The following DHDDS variants were observed in gnomAD, a reference collection of about 807,000 sequenced individuals.
DHDDS encodes dehydrodolichyl diphosphate synthase subunit, also known as dehydrodolichyl diphosphate synthase complex subunit DHDDS.
Under a neutral mutation model 46.2 loss-of-function variants are expected in DHDDS, and 16 were observed. The ratio of observed to expected loss-of-function variants is 0.35; its 90% CI spans 0.23 to 0.53. DHDDS has a LOEUF of 0.53. Ranked by LOEUF, DHDDS falls within the 20% of genes least tolerant of loss-of-function variation. DHDDS has a pLI of 0.94. For missense variants in DHDDS, 340 were observed against 423.7 expected (o/e 0.80, Z 1.73); for synonymous variants, 151 against 163.1 (o/e 0.93, Z 0.56).
At chr1:26,433,840 A>G (rs979362928) in intron 2 of DHDDS, among the ~76,000 whole-genome samples, 1 of 152,136 alleles carries the variant, frequency 6.6e-6, no homozygotes, top group East Asian at 1.9e-4. Context: ...AGTTCAAGCA[A>G]TTCTCTTGCC....
chr1:26,448,675 C>T (rs889462862), intron 6 of DHDDS: 1 of 152,096 alleles, frequency 6.6e-6, no homozygotes, highest in Non-Finnish European at 1.5e-5. Context: ...GTGTTGTGTT[C>T]TGTATTTCAT....
chr1:26,447,451 T>A, intron 5 of DHDDS, 108 bp from the exon 6 acceptor site: 1 of 839,020 alleles, frequency 1.2e-6, no homozygotes, highest in East Asian at 2.5e-5. Flanking sequence ...ACATTTGATG[T>A]GTATTTGTTT....
rs907003931 is a variant in DHDDS at position 26,471,251 on chromosome 1, C to T, written c.*2120C>T. On this transcript the variant is annotated 3_prime_UTR_variant, in exon 9 of 9. Transcript: ENST00000236342. ...CAAGCCCCCATTTGAGGACATCTATCGTATTCTTGTGTGCTGGGTCTCAAA... is the reference window on the plus strand; with the variant it reads ...CAAGCCCCCATTTGAGGACATCTATTGTATTCTTGTGTGCTGGGTCTCAAA... 6.6e-6 allele frequency: 1 copy of T among 152,202 alleles called. No individual in the cohort carries two copies. Among genetic ancestry groups the T allele is most frequent in the Admixed American group, 6.5e-5 (1 of 15,282 alleles). The allele number at this position is 152,202 out of a possible 1,614,324, so 9.4% of individuals were successfully genotyped here.
intron 3 of DHDDS, among the ~76,000 whole-genome samples, chr1:26,438,993 A>C (rs1238015870): frequency 6.6e-6 from 1 of 152,182 alleles, no homozygotes; most frequent in Non-Finnish European, 1.5e-5. Flanking sequence ...AGTACAGTGC[A>C]TGATCTCTGC....
rs748086202 is a variant in DHDDS at position 26,447,744 on chromosome 1, A to G, written c.542+84A>G. The stretch of plus-strand genomic sequence containing the variant: ...CAGCTCACGCCTGTAATCCTAGCAC[A>G]TTAGGAGGCCGAGGTGGGCAGTCCA... On this transcript the variant is annotated intron_variant, in intron 6 of 8. Coordinates refer to ENST00000236342, the MANE Select transcript of DHDDS (RefSeq NM_205861.3). 2.4e-6 allele frequency: 3 copies of G among 1,275,396 alleles called. No individual in the cohort carries two copies. In the South Asian group the frequency reaches 3.7e-5, roughly 16 times the overall value. 79.0% of individuals were successfully genotyped at this position (1,275,396 alleles called of 1,614,324 possible). A position where few individuals can be genotyped will look rare whatever the true frequency, so the allele number is the denominator to read the frequency against.
chr1:26,460,198 C>T, intron 8 of DHDDS, 54 bp downstream of exon 8: 1 of 1,367,692 alleles, frequency 7.3e-7, no homozygotes, highest in Non-Finnish European at 1.0e-6. Context: ...AAAAGATTAG[C>T]ATTGATTGAC....
At chr1:26,457,469 CAAAT>C (rs578033799) in intron 6 of DHDDS, among the ~76,000 whole-genome samples, 34 of 142,578 alleles carry the variant, frequency 2.4e-4, no homozygotes, top group South Asian at 1.6e-3. Flanking sequence ...GACTCTATCT[CAAAT>C]AAATAAATAA....
At chr1:26,437,806 AAAAG>A (rs1354401958) in intron 2 of DHDDS, among the ~76,000 whole-genome samples, 1 of 151,782 alleles carries the variant, frequency 6.6e-6, no homozygotes, top group Non-Finnish European at 1.5e-5. Flanking sequence ...GAAAAAAAAA[AAAAG>A]AAAAGAAAAG....
chr1:26,454,108 C>G (rs2075347406), intron 6 of DHDDS, among the ~76,000 whole-genome samples: 1 of 152,106 alleles, frequency 6.6e-6, no homozygotes, highest in Non-Finnish European at 1.5e-5. Context: ...CGCCCACCAC[C>G]ACGCCCGGCT....
intron 3 of DHDDS, among the ~76,000 whole-genome samples, chr1:26,439,897 T>C (rs979544162): frequency 2.6e-5 from 4 of 152,218 alleles, no homozygotes; most frequent in Admixed American, 2.0e-4. Context: ...TCCCAGCACT[T>C]TGGGAGGCTG....
Position 26,469,410 on chromosome 1 carries a change from C to T in DHDDS, c.*279C>T. The T allele has an allele frequency of 1.8e-6, 1 of 546,426 alleles. No individual in the cohort carries two copies. The highest frequency in any genetic ancestry group is 2.0e-5 in the South Asian group (1 of 48,964). The allele number at this position is 546,426 out of a possible 1,614,324, so 33.8% of individuals were successfully genotyped here. A position where few individuals can be genotyped will look rare whatever the true frequency, so the allele number is the denominator to read the frequency against. ...AGAGCAAAGGGCCACAACTCATCAGCTGCCTGTCTCTTAGATGCACTTTCT... is the reference window on the plus strand; with the variant it reads ...AGAGCAAAGGGCCACAACTCATCAGTTGCCTGTCTCTTAGATGCACTTTCT... On this transcript the variant is annotated 3_prime_UTR_variant, in exon 9 of 9. Coordinates refer to ENST00000236342, the MANE Select transcript of DHDDS (RefSeq NM_205861.3).
At chr1:26,433,333 G>A (rs999089176) in intron 2 of DHDDS, among the ~76,000 whole-genome samples, 1 of 152,184 alleles carries the variant, frequency 6.6e-6, no homozygotes, top group East Asian at 1.9e-4. Flanking sequence ...ATTTAAATAG[G>A]TTAATCTTTG....
intron 4 of DHDDS, among the ~76,000 whole-genome samples, chr1:26,443,761 C>G (rs2075241025): frequency 6.6e-6 from 1 of 152,160 alleles, no homozygotes; most frequent in African/African-American, 2.4e-5. Flanking sequence ...GCTCCCCGGT[C>G]CCCAGCAGAG....
chr1:26,462,083 G>T, intron 8 of DHDDS, among the ~76,000 whole-genome samples: 1 of 148,986 alleles, frequency 6.7e-6, no homozygotes. Context: ...TTTTTAGCAG[G>T]GTCTCACTCT....
intron 6 of DHDDS, among the ~76,000 whole-genome samples, chr1:26,453,610 T>C (rs1038338812): frequency 6.6e-6 from 1 of 151,934 alleles, no homozygotes; most frequent in Admixed American, 6.6e-5. Flanking sequence ...AAAAATTACC[T>C]GAGTGTGGTG....
chr1:26,467,195 C>T (rs2075499327), intron 8 of DHDDS: 7 of 380,520 alleles, frequency 1.8e-5, no homozygotes, highest in South Asian at 1.3e-4. Context: ...CATCGTGGCA[C>T]TCTGTGTGCA....
intron 8 of DHDDS, 142 bp from the exon 9 acceptor site, chr1:26,468,753 A>G (rs2075518848): frequency 8.4e-7 from 1 of 1,192,510 alleles, no homozygotes; most frequent in South Asian, 1.4e-5. Flanking sequence ...CCTACTCCCA[A>G]GCCTTTTCAA....
intron 2 of DHDDS, 33 bp downstream of exon 2, chr1:26,433,041 C>G: frequency 6.2e-7 from 1 of 1,612,046 alleles, no homozygotes; most frequent in East Asian, 2.2e-5. Context: ...GGTTGGCCTT[C>G]TGGTCAGTTG....
At chr1:26,457,747 C>G (rs2075384405) in intron 6 of DHDDS, 44 bp from the exon 7 acceptor site, 5 of 1,420,506 alleles carry the variant, frequency 3.5e-6, no homozygotes, top group Non-Finnish European at 4.0e-6. Flanking sequence ...AAAGAGAATA[C>G]TACAGGATGT....
Sources: allele counts gnomAD v4.1 joint callset (sites outside exome capture counted in the v4.1 genomes callset), GRCh38; gene constraint gnomAD v4.1.1; transcripts MANE v1.5; gene names NCBI Gene and HGNC (gene_info 2026-07-23, HGNC 2026-07-21).